The following GRM8 variants were observed in gnomAD, a reference collection of about 807,000 sequenced individuals.
GRM8 encodes glutamate metabotropic receptor 8.
GRM8 carries 47 observed loss-of-function variants against 87.2 expected under a neutral mutation model. That is an observed-to-expected ratio of 0.54 (90% CI 0.43 to 0.69). The LOEUF (loss-of-function observed/expected upper bound fraction) is 0.69, where lower values mean the gene tolerates loss of function less well. GRM8 is among the 30% of genes least tolerant of loss of function. GRM8 has a pLI of 0.00. For synonymous variants in GRM8, 396 were observed against 404.5 expected, an observed-to-expected ratio of 0.98 and a Z score of 0.25; for missense variants, 1,019 against 1,139.2, an observed-to-expected ratio of 0.89 and a Z score of 1.52.
chr7:126,666,338 T>C (rs1460334348), intron 7 of GRM8, among the ~76,000 whole-genome samples: 1 of 152,132 alleles, frequency 6.6e-6, no homozygotes, highest in African/African-American at 2.4e-5. Flanking sequence ...GGATCCAAAA[T>C]TATCTCATCA....
chr7:126,820,437 C>T (rs1201076870), intron 6 of GRM8, among the ~76,000 whole-genome samples: 1 of 152,230 alleles, frequency 6.6e-6, no homozygotes, highest in Admixed American at 6.5e-5. Flanking sequence ...ATCTTCACCT[C>T]ATTTCCATTG....
At chr7:126,675,300 A>AT (rs1806841944) in intron 7 of GRM8, among the ~76,000 whole-genome samples, 1 of 152,194 alleles carries the variant, frequency 6.6e-6, no homozygotes, top group South Asian at 2.1e-4. Context: ...TCACAGCCAA[A>AT]TTCTACCATA....
chr7:127,035,001 C>T (rs760253598), intron 3 of GRM8, among the ~76,000 whole-genome samples: 1 of 152,078 alleles, frequency 6.6e-6, no homozygotes, highest in Non-Finnish European at 1.5e-5. Context: ...TAAACGAAAG[C>T]AGCTCAGTTT....
At chr7:127,102,467 G>A (rs2133041939) in intron 3 of GRM8, among the ~76,000 whole-genome samples, 1 of 152,252 alleles carries the variant, frequency 6.6e-6, no homozygotes, top group South Asian at 2.1e-4. Flanking sequence ...TCCTTTCATG[G>A]GCCAGGTCCA....
chr7:126,950,136 C>G (rs1462428496), intron 3 of GRM8, among the ~76,000 whole-genome samples: 1 of 152,122 alleles, frequency 6.6e-6, no homozygotes, highest in Non-Finnish European at 1.5e-5. Flanking sequence ...TGGTTGAGGA[C>G]CCAGGTGATT....
chr7:126,656,191 T>A (rs1804507269), intron 7 of GRM8, among the ~76,000 whole-genome samples: 2 of 152,104 alleles, frequency 1.3e-5, no homozygotes, highest in Admixed American at 1.3e-4. Context: ...ATTTGGAGAT[T>A]GGGGTAAGAT....
chr7:126,734,250 C>A (rs566725949), intron 7 of GRM8, among the ~76,000 whole-genome samples: 1 of 151,776 alleles, frequency 6.6e-6, no homozygotes. Context: ...TTATCCTATT[C>A]CTAAAAAAAT....
chr7:126,873,287 C>T (rs73723519), intron 6 of GRM8, among the ~76,000 whole-genome samples: 16 of 152,212 alleles, frequency 1.1e-4, no homozygotes, highest in African/African-American at 3.1e-4. Context: ...ACCAAATCCA[C>T]CAAGCATATT....
At chr7:126,525,117 G>C (rs1189591639) in intron 9 of GRM8, among the ~76,000 whole-genome samples, 1 of 152,138 alleles carries the variant, frequency 6.6e-6, no homozygotes, top group Non-Finnish European at 1.5e-5. Flanking sequence ...AAGATTACTG[G>C]TGGGGTCTGT....
chr7:127,197,462 A>C lies in GRM8; in HGVS notation c.510+45233T>G, dbSNP rs193156630. ...AGCAAGAGGGAGAGGGTTGTGACCAAAGAAACAATACTTTTTTCCTACTGT... is the reference window on the plus strand; with the variant it reads ...AGCAAGAGGGAGAGGGTTGTGACCACAGAAACAATACTTTTTTCCTACTGT... On this transcript the variant is annotated intron_variant, in intron 2 of 10. Transcript: ENST00000339582. Among the ~76,000 whole-genome samples the C allele has an allele frequency of 3.9e-5, 6 of 152,316 alleles. No homozygotes were observed. The East Asian group carries it at 1.2e-3, about 29-fold the overall frequency.
intron 9 of GRM8, among the ~76,000 whole-genome samples, chr7:126,522,775 G>C (rs1813195981): frequency 6.6e-6 from 1 of 151,848 alleles, no homozygotes; most frequent in South Asian, 2.1e-4. Context: ...TTCCTTCATG[G>C]ACAGTTTCTT....
intron 6 of GRM8, among the ~76,000 whole-genome samples, chr7:126,791,882 A>G (rs1821375028): frequency 6.6e-6 from 1 of 152,188 alleles, no homozygotes; most frequent in Non-Finnish European, 1.5e-5. Flanking sequence ...AGAAATGGAG[A>G]CAGATACACC....
At chr7:127,209,788 G>A (rs1796113664) in intron 2 of GRM8, among the ~76,000 whole-genome samples, 1 of 152,316 alleles carries the variant, frequency 6.6e-6, no homozygotes, top group East Asian at 1.9e-4. Context: ...CTGAGACAAA[G>A]CTGTGCTAAA....
At chr7:127,031,138 G>T (rs1377886562) in intron 3 of GRM8, among the ~76,000 whole-genome samples, 1 of 151,962 alleles carries the variant, frequency 6.6e-6, no homozygotes, top group Non-Finnish European at 1.5e-5. Flanking sequence ...ACAAACCCCA[G>T]GTTTTCTTTA....
At chr7:126,764,364 A>C (rs189389830) in intron 7 of GRM8, among the ~76,000 whole-genome samples, 13 of 152,102 alleles carry the variant, frequency 8.5e-5, no homozygotes, top group Admixed American at 5.9e-4. Context: ...AATTAGGCTA[A>C]TATTTTTATC....
chr7:127,221,298 C>A (rs1796913547), intron 2 of GRM8, among the ~76,000 whole-genome samples: 1 of 152,192 alleles, frequency 6.6e-6, no homozygotes, highest in Admixed American at 6.5e-5. Flanking sequence ...CAGTGGTTTT[C>A]ACATGGTACC....
intron 7 of GRM8, among the ~76,000 whole-genome samples, chr7:126,690,014 G>C (rs1808631213): frequency 6.6e-6 from 1 of 152,212 alleles, no homozygotes; most frequent in Non-Finnish European, 1.5e-5. Flanking sequence ...TAAACTGTGT[G>C]TAAATAAAGT....
At chr7:126,615,186 C>T (rs1799332042) in intron 7 of GRM8, among the ~76,000 whole-genome samples, 1 of 152,200 alleles carries the variant, frequency 6.6e-6, no homozygotes, top group South Asian at 2.1e-4. Context: ...TCGGCAGAAA[C>T]TCTACAAGCC....
chr7:126,601,291 G>A (rs1033996908), intron 8 of GRM8, among the ~76,000 whole-genome samples: 15 of 152,098 alleles, frequency 9.9e-5, no homozygotes, highest in South Asian at 6.2e-4. Flanking sequence ...ATAGTATTCC[G>A]TGGTGTATAT....
Sources: allele counts gnomAD v4.1 joint callset (sites outside exome capture counted in the v4.1 genomes callset), GRCh38; gene constraint gnomAD v4.1.1; transcripts MANE v1.5; gene names NCBI Gene and HGNC (gene_info 2026-07-23, HGNC 2026-07-21).